NMNAT3: variants seen among roughly 807,000 people sequenced by gnomAD.
NMNAT3 encodes the protein nicotinamide nucleotide adenylyltransferase 3.
NMNAT3 carries 21 observed loss-of-function variants against 24.8 expected under a neutral mutation model. That is an observed-to-expected ratio of 0.85 (90% CI 0.60 to 1.22). The LOEUF (loss-of-function observed/expected upper bound fraction) is 1.22, where lower values mean the gene tolerates loss of function less well. Ranked by LOEUF, NMNAT3 falls within the 50% of genes most tolerant of loss-of-function variation. The probability of loss-of-function intolerance (pLI) is 0.00; values close to 1 mark genes in which losing one functional copy is unlikely to be tolerated. For synonymous variants in NMNAT3, 136 were observed against 155.2 expected (o/e 0.88, Z 0.92); for missense variants, 387 against 436.6 (o/e 0.89, Z 1.01).
intron 1 of NMNAT3, among the ~76,000 whole-genome samples, chr3:139,648,120 G>A (rs1430173880): frequency 6.6e-6 from 1 of 152,188 alleles, no homozygotes; most frequent in Admixed American, 6.5e-5. Context: ...TGGGAGGTGA[G>A]TGGATCCTGG....
rs191111268 is a variant in NMNAT3, at chr3:139,584,676, G to C, written c.110-1468C>G. Among the ~76,000 whole-genome samples, 460 of 152,286 alleles carry C rather than the reference G, an allele frequency of 3.0e-3. 1 individual carries two copies. The highest frequency in any genetic ancestry group is 3.9e-3 in the Admixed American group (59 of 15,296). ...TTCTAGCTTAGTTGCACTGCAGTCA[G>C]AGAATATACTCTATATTGATTCAAT... On this transcript the variant is annotated intron_variant, in intron 3 of 6. Coordinates refer to ENST00000643695, the MANE Select transcript of NMNAT3 (RefSeq NM_001320510.2).
At chr3:139,649,945 A>G (rs1042956590) in intron 1 of NMNAT3, among the ~76,000 whole-genome samples, 31 of 152,314 alleles carry the variant, frequency 2.0e-4, no homozygotes, top group African/African-American at 7.0e-4. Flanking sequence ...CCATGAAGAG[A>G]TGAATGGGAG....
intron 4 of NMNAT3, 119 bp from the exon 5 acceptor site, chr3:139,579,174 G>A (rs1041846760): frequency 1.3e-6 from 1 of 785,566 alleles, no homozygotes. Context: ...GTAGACTCTG[G>A]CATTCTCTCA....
chr3:139,669,316 CA>C (rs1292706892), intron 1 of NMNAT3, among the ~76,000 whole-genome samples: 2 of 149,950 alleles, frequency 1.3e-5, no homozygotes, highest in Non-Finnish European at 3.0e-5. Flanking sequence ...CTACAAGGTA[CA>C]AAAAAAAATT....
In NMNAT3 at chr3:139,671,049, G is replaced by T. The variant is rs1331368827; in HGVS notation, c.-141+6656C>A. Among the ~76,000 whole-genome samples the T allele has an allele frequency of 2.6e-5, 4 of 152,274 alleles. No homozygotes were observed. In the South Asian group the frequency reaches 8.3e-4, roughly 32 times the overall value. ...TTTAATTCAGGATGAGGCCACAAAGGTAGTGGCCTAAAATTACAAACTGAA... is the reference window on the plus strand; with the variant it reads ...TTTAATTCAGGATGAGGCCACAAAGTTAGTGGCCTAAAATTACAAACTGAA... On this transcript the variant is annotated intron_variant, in intron 1 of 6. Transcript: ENST00000643695.
intron 4 of NMNAT3, among the ~76,000 whole-genome samples, chr3:139,579,607 G>A (rs192819904): frequency 3.9e-5 from 6 of 152,212 alleles, no homozygotes; most frequent in Admixed American, 3.3e-4. Context: ...TGATGGAGTG[G>A]GAAAGCGTAC....
chr3:139,670,439 C>T (rs1423854711), intron 1 of NMNAT3, among the ~76,000 whole-genome samples: 2 of 152,234 alleles, frequency 1.3e-5, no homozygotes, highest in South Asian at 2.1e-4. Context: ...CCCTGCTGGA[C>T]ATCTGCTTGA....
chr3:139,612,536 G>A (rs1300604378), intron 3 of NMNAT3, among the ~76,000 whole-genome samples: 1 of 152,184 alleles, frequency 6.6e-6, no homozygotes, highest in Admixed American at 6.5e-5. Context: ...GGACCAGGTT[G>A]CAGGCAGGTA....
intron 3 of NMNAT3, among the ~76,000 whole-genome samples, chr3:139,589,950 T>C (rs1291066518): frequency 6.6e-6 from 1 of 152,094 alleles, no homozygotes; most frequent in Non-Finnish European, 1.5e-5. Context: ...GCAGAAGGCA[T>C]GGGATCCAAG....
At chr3:139,562,215 G>T (rs541703847) in intron 6 of NMNAT3, among the ~76,000 whole-genome samples, 2 of 152,164 alleles carry the variant, frequency 1.3e-5, no homozygotes, top group Non-Finnish European at 2.9e-5. Flanking sequence ...ACTCAGTTAG[G>T]CAGATAAGTC....
chr3:139,591,439 G>C (rs796924039), intron 3 of NMNAT3, among the ~76,000 whole-genome samples: 1 of 147,770 alleles, frequency 6.8e-6, no homozygotes, highest in African/African-American at 2.5e-5. Context: ...CAAAGCAGCC[G>C]GGAAGCTCGA....
At chr3:139,658,418 C>G (rs1378831564) in intron 1 of NMNAT3, among the ~76,000 whole-genome samples, 1 of 152,124 alleles carries the variant, frequency 6.6e-6, no homozygotes, top group African/African-American at 2.4e-5. Flanking sequence ...TGTGAGGAGC[C>G]ATCCCCTATC....
chr3:139,663,097 C>G (rs2057468419), intron 1 of NMNAT3, among the ~76,000 whole-genome samples: 1 of 152,216 alleles, frequency 6.6e-6, no homozygotes, highest in Non-Finnish European at 1.5e-5. Flanking sequence ...AAGGTGTCAG[C>G]AGGGCTGTGT....
intron 4 of NMNAT3, among the ~76,000 whole-genome samples, chr3:139,580,354 C>T (rs1939999680): frequency 6.6e-6 from 1 of 152,156 alleles, no homozygotes; most frequent in Admixed American, 6.6e-5. Context: ...AACCCCTGAC[C>T]TCAAGTGATC....
At chr3:139,582,296 T>C (rs1322820014) in intron 4 of NMNAT3, among the ~76,000 whole-genome samples, 2 of 151,386 alleles carry the variant, frequency 1.3e-5, no homozygotes, top group Admixed American at 6.6e-5. Flanking sequence ...GGGGTGTTTA[T>C]AAAAGAGATG....
At chr3:139,622,809 A>G (rs2055857085) in intron 3 of NMNAT3, among the ~76,000 whole-genome samples, 1 of 141,544 alleles carries the variant, frequency 7.1e-6, no homozygotes, top group Non-Finnish European at 1.5e-5. Flanking sequence ...TGATATATAT[A>G]TAAAATGTAT....
chr3:139,572,130 C>A (rs1232399096), intron 6 of NMNAT3: 1 of 398,780 alleles, frequency 2.5e-6, no homozygotes. Flanking sequence ...CTGTCTCCAG[C>A]TTGAGGTGGG....
chr3:139,584,514 T>C (rs1409672938), intron 3 of NMNAT3: 2 of 152,274 alleles, frequency 1.3e-5, no homozygotes, highest in African/African-American at 4.8e-5. Flanking sequence ...TTTTGATATG[T>C]AGTGTTTTCA....
chr3:139,637,508 A>T (rs2108344483), intron 2 of NMNAT3: 1 of 152,368 alleles, frequency 6.6e-6, no homozygotes, highest in African/African-American at 2.4e-5. Flanking sequence ...CCTTGTGCTT[A>T]CTATATGATT....
Sources: gnomAD v4.1 joint callset for allele counts (sites outside exome capture counted in the v4.1 genomes callset) on GRCh38, gnomAD v4.1.1 for gene constraint, MANE v1.5 for transcripts, NCBI Gene and HGNC (gene_info 2026-07-23, HGNC 2026-07-21) for gene names.